The following TDRP variants were observed in gnomAD, a reference collection of about 807,000 sequenced individuals.
TDRP encodes testis development-related protein.
TDRP carries 12 observed loss-of-function variants against 10.5 expected under a neutral mutation model. That is an observed-to-expected ratio of 1.15 (90% CI 0.73 to 1.86). The LOEUF is 1.86. TDRP is among the 40% of genes most tolerant of loss of function. The pLI is 0.00. For synonymous variants in TDRP, 139 were observed against 95.4 expected, an observed-to-expected ratio of 1.46 and a Z score of -2.67; for missense variants, 353 against 229.2, an observed-to-expected ratio of 1.54 and a Z score of -3.49.
chr8:510,886 A>G (rs1355069398), intron 1 of TDRP, among the ~76,000 whole-genome samples: 2 of 152,244 alleles, frequency 1.3e-5, no homozygotes, highest in African/African-American at 4.8e-5. Flanking sequence ...AAGCAATTGC[A>G]TAGAATAGGC....
At position 544,668 on chromosome 8, in the gene TDRP, G is replaced by A. The variant is rs1050596073; in HGVS notation, c.90C>T (p.Ala30=). The A allele has an allele frequency of 5.6e-6, 7 of 1,244,084 alleles. No individual in the cohort carries two copies. Among genetic ancestry groups the A allele is most frequent in the African/African-American group, 3.1e-5 (2 of 64,306 alleles). 77.1% of individuals were successfully genotyped at this position (1,244,084 alleles called of 1,614,324 possible). A position where few individuals can be genotyped will look rare whatever the true frequency, so the allele number is the denominator to read the frequency against. Residue 30 remains alanine (A), a synonymous_variant, in exon 1 of 3, where the codon GCC becomes GCT. Transcript: ENST00000324079. ...GLRGGPPPAA[A]AAAQAQVQGA... The stretch of plus-strand genomic sequence containing the variant: ...CCCTCACCTGCGCCTGGGCGGCGGC[G>A]GCGGCGGCCGGTGGCGGCCCCCCAC...
At chr8:496,059 A>C (rs1158334403) in intron 1 of TDRP, among the ~76,000 whole-genome samples, 1 of 152,218 alleles carries the variant, frequency 6.6e-6, no homozygotes, top group African/African-American at 2.4e-5. Flanking sequence ...ACGCCAAAGA[A>C]ACCATCACAA....
chr8:516,748 T>C (rs1801766787), intron 1 of TDRP, among the ~76,000 whole-genome samples: 1 of 152,198 alleles, frequency 6.6e-6, no homozygotes, highest in South Asian at 2.1e-4. Context: ...ACGGTTCTAT[T>C]TATCCAAATG....
chr8:523,833 T>C (rs1045581635), intron 1 of TDRP, among the ~76,000 whole-genome samples: 2 of 152,186 alleles, frequency 1.3e-5, no homozygotes, highest in Non-Finnish European at 2.9e-5. Context: ...CCCTGGCTCC[T>C]GGACAGCATC....
At chr8:511,209 C>A (rs1801608153) in intron 1 of TDRP, among the ~76,000 whole-genome samples, 1 of 152,030 alleles carries the variant, frequency 6.6e-6, no homozygotes, top group African/African-American at 2.4e-5. Context: ...TTTTAAAATA[C>A]AATCCAACTA....
chr8:504,615 C>T (rs1187960291), intron 1 of TDRP, among the ~76,000 whole-genome samples: 1 of 151,932 alleles, frequency 6.6e-6, no homozygotes, highest in Non-Finnish European at 1.5e-5. Flanking sequence ...TCAATATCTG[C>T]AGTTTTGGGA....
upstream of TDRP, among the ~76,000 whole-genome samples, chr8:545,398 G>C (rs533127794): frequency 1.1e-4 from 4 of 35,776 alleles, no homozygotes; most frequent in African/African-American, 4.4e-4. Flanking sequence ...CCCCTCTCCC[G>C]GTTCTCTCCT....
Position 492,016 on chromosome 8 carries a change from G to C in TDRP, c.*383C>G. ...CTGCATGACAGCTGCATTTATACGT[G>C]CTACATACAAGAAAAAGGTACGGAA... On this transcript the variant is annotated 3_prime_UTR_variant, in exon 3 of 3. Coordinates refer to ENST00000324079, the MANE Select transcript of TDRP (RefSeq NM_001384899.1). The C allele has an allele frequency of 9.0e-7, 1 of 1,112,726 alleles. No homozygotes were observed. The highest frequency in any genetic ancestry group is 5.4e-5 in the East Asian group (1 of 18,460). 68.9% of individuals were successfully genotyped at this position (1,112,726 alleles called of 1,614,324 possible).
At chr8:503,953 T>C (rs1330170205) in intron 1 of TDRP, among the ~76,000 whole-genome samples, 1 of 106,724 alleles carries the variant, frequency 9.4e-6, no homozygotes, top group Non-Finnish European at 1.8e-5. Context: ...ATGGAACCAA[T>C]GCCCACCTCA....
chr8:508,465 T>C (rs762509595), intron 1 of TDRP, among the ~76,000 whole-genome samples: 4 of 152,154 alleles, frequency 2.6e-5, no homozygotes, highest in Non-Finnish European at 4.4e-5. Context: ...GGCAAAGGCA[T>C]ATCTAATATG....
intron 1 of TDRP, among the ~76,000 whole-genome samples, chr8:513,837 G>A (rs944492550): frequency 3.9e-5 from 6 of 152,134 alleles, no homozygotes; most frequent in African/African-American, 7.2e-5. Context: ...AATCAATTGC[G>A]TTCTTACACA....
At chr8:523,325 CG>C (rs1563127557) in intron 1 of TDRP, among the ~76,000 whole-genome samples, 1 of 152,060 alleles carries the variant, frequency 6.6e-6, no homozygotes, top group Non-Finnish European at 1.5e-5. Context: ...TTAATTTTTT[CG>C]GGGGGAATGG....
chr8:537,489 T>C (rs1376209358), intron 1 of TDRP, among the ~76,000 whole-genome samples: 3 of 152,226 alleles, frequency 2.0e-5, no homozygotes, highest in Non-Finnish European at 4.4e-5. Context: ...GTGTGTCTGT[T>C]TGCCAGAGAA....
chr8:509,657 A>T (rs1801557982), intron 1 of TDRP, among the ~76,000 whole-genome samples: 1 of 152,048 alleles, frequency 6.6e-6, no homozygotes, highest in South Asian at 2.1e-4. Flanking sequence ...CTGTGATGGG[A>T]GGGGCTGCCC....
intron 1 of TDRP, among the ~76,000 whole-genome samples, chr8:501,224 A>G (rs903048841): frequency 6.6e-6 from 1 of 151,988 alleles, no homozygotes; most frequent in African/African-American, 2.4e-5. Context: ...AAACAAACAA[A>G]AAAAACATGA....
intron 1 of TDRP, among the ~76,000 whole-genome samples, chr8:508,918 A>T (rs577907091): frequency 6.6e-6 from 1 of 152,348 alleles, no homozygotes; most frequent in South Asian, 2.1e-4. Context: ...ACATTGGGTA[A>T]ATGTTCCTGC....
chr8:526,340 T>C (rs1034522124), intron 1 of TDRP, among the ~76,000 whole-genome samples: 1 of 152,198 alleles, frequency 6.6e-6, no homozygotes, highest in Non-Finnish European at 1.5e-5. Context: ...AGTATGATAC[T>C]AGCTATGAAT....
intron 1 of TDRP, among the ~76,000 whole-genome samples, chr8:531,820 G>C (rs940362817): frequency 3.9e-5 from 6 of 152,274 alleles, no homozygotes; most frequent in Admixed American, 1.3e-4. Flanking sequence ...TAGCTAAAAG[G>C]AGATGTGAGT....
Position 528,436 on chromosome 8 carries a change from A to G in TDRP, c.108+16214T>C, listed in dbSNP as rs549479284. ...TATACCCAAAAGAAAGGAAATCAAT[A>G]TATCAAAGAGATATCTGTGCTTCCA... On this transcript the variant is annotated intron_variant, in intron 1 of 2. Coordinates refer to ENST00000324079, the MANE Select transcript of TDRP (RefSeq NM_001384899.1). 2.2e-4 allele frequency among the ~76,000 whole-genome samples: 33 copies of G among 150,814 alleles called. 3 individuals carry two copies. The South Asian group carries it at 5.7e-3, about 26-fold the overall frequency.
Sources: gnomAD v4.1 joint callset for allele counts (sites outside exome capture counted in the v4.1 genomes callset) on GRCh38, gnomAD v4.1.1 for gene constraint, MANE v1.5 for transcripts, NCBI Gene and HGNC (gene_info 2026-07-23, HGNC 2026-07-21) for gene names.